Variants in MTDH observed in about 807,000 individuals in gnomAD.
MTDH encodes the protein protein LYRIC.
In MTDH, 34 loss-of-function variants were observed where a neutral mutation model predicts 72.7. The observed-to-expected ratio is 0.47, with a 90% CI of 0.36 to 0.62. The LOEUF is 0.62. Ranked by LOEUF, MTDH falls within the 20% of genes least tolerant of loss-of-function variation. The pLI is 0.00. For missense variants in MTDH, 677 were observed against 699.4 expected, an observed-to-expected ratio of 0.97 and a Z score of 0.36; for synonymous variants, 266 against 268.9, an observed-to-expected ratio of 0.99 and a Z score of 0.10.
intron 8 of MTDH, among the ~76,000 whole-genome samples, chr8:97,708,671 C>G (rs1157171107): frequency 7.8e-6 from 1 of 128,004 alleles, no homozygotes; most frequent in East Asian, 2.3e-4. Flanking sequence ...ATGATCTCGG[C>G]TCTCTGCAAC....
At chr8:97,669,182 T>C (rs1027244274) in intron 2 of MTDH, among the ~76,000 whole-genome samples, 2 of 152,180 alleles carry the variant, frequency 1.3e-5, no homozygotes, top group Non-Finnish European at 2.9e-5. Flanking sequence ...GGAGTCTCGC[T>C]CTGTTTCTCA....
At chr8:97,701,024 T>G (rs907892702) in intron 7 of MTDH, among the ~76,000 whole-genome samples, 13 of 152,316 alleles carry the variant, frequency 8.5e-5, no homozygotes, top group Non-Finnish European at 1.9e-4. Context: ...CAGTACTAGC[T>G]TAGACAGTAG....
intron 2 of MTDH, among the ~76,000 whole-genome samples, chr8:97,681,285 T>C (rs1813059534): frequency 6.6e-6 from 1 of 152,086 alleles, no homozygotes; most frequent in African/African-American, 2.4e-5. Flanking sequence ...GTACCAGTCT[T>C]GTAGGAATCA....
chr8:97,723,213 A>G (rs1346888234), intron 11 of MTDH, among the ~76,000 whole-genome samples, 178 bp downstream of exon 11: 1 of 151,696 alleles, frequency 6.6e-6, no homozygotes, highest in Non-Finnish European at 1.5e-5. Flanking sequence ...CCTGGCTAAC[A>G]TGGTGAAACC....
intron 1 of MTDH, among the ~76,000 whole-genome samples, chr8:97,653,861 T>A (rs1230155850): frequency 6.6e-6 from 1 of 152,250 alleles, no homozygotes; most frequent in Non-Finnish European, 1.5e-5. Flanking sequence ...TCCGTCAGAA[T>A]GTCTTAGACA....
chr8:97,726,555 T>G lies in MTDH; in HGVS notation c.*1885T>G, dbSNP rs1309914276. ...TCTCTCAACTCTACCTCACCATTTC[T>G]TTATCTCAAAATTCTGTTGGCTTTG... is the stretch of plus-strand genomic sequence containing the variant. On this transcript the variant is annotated 3_prime_UTR_variant, in exon 12 of 12. Coordinates refer to ENST00000336273, the MANE Select transcript of MTDH (RefSeq NM_178812.4). The G allele has an allele frequency of 6.6e-6, 1 of 152,236 alleles. No individual in the cohort carries two copies. The highest frequency in any genetic ancestry group is 1.9e-4 in the East Asian group (1 of 5,208). 9.4% of individuals were successfully genotyped at this position (152,236 alleles called of 1,614,324 possible).
At chr8:97,711,083 T>C (rs1029364580) in intron 8 of MTDH, among the ~76,000 whole-genome samples, 7 of 152,202 alleles carry the variant, frequency 4.6e-5, no homozygotes, top group African/African-American at 1.7e-4. Context: ...ATAACAGTGC[T>C]AACTTGATAG....
intron 9 of MTDH, among the ~76,000 whole-genome samples, chr8:97,714,686 GTTACA>G (rs1321596476): frequency 6.6e-6 from 1 of 151,650 alleles, no homozygotes; most frequent in African/African-American, 2.4e-5. Flanking sequence ...CACTAATACT[GTTACA>G]TTACAACTTC....
rs765221756 is a variant in MTDH at position 97,713,781 on chromosome 8, G to A, written c.1380+12G>A. Reference sequence around the variant, plus strand: ...ACTCTACTGCACAGGTAAAATGTCAGAACAACAAGCATTCATTAAGCGCCT... The same window carrying A: ...ACTCTACTGCACAGGTAAAATGTCAAAACAACAAGCATTCATTAAGCGCCT... On this transcript the variant is annotated intron_variant, in intron 9 of 11. Transcript: ENST00000336273. 7 of 1,495,310 alleles carry A rather than the reference G, an allele frequency of 4.7e-6. No individual in the cohort carries two copies. The African/African-American group carries it at 8.4e-5, about 18-fold the overall frequency. 92.6% of individuals were successfully genotyped at this position (1,495,310 alleles called of 1,614,324 possible).
chr8:97,678,353 T>C (rs537320921), intron 2 of MTDH, among the ~76,000 whole-genome samples: 1 of 152,336 alleles, frequency 6.6e-6, no homozygotes, highest in African/African-American at 2.4e-5. Flanking sequence ...CTACATTATT[T>C]CTAGAAAACT....
At chr8:97,708,566 G>A (rs1814471245) in intron 8 of MTDH, among the ~76,000 whole-genome samples, 1 of 101,722 alleles carries the variant, frequency 9.8e-6, no homozygotes, top group African/African-American at 4.6e-5. Context: ...ACAGGCATGA[G>A]CCACCATGCC....
intron 8 of MTDH, among the ~76,000 whole-genome samples, chr8:97,712,106 C>T (rs1170329383): frequency 1.3e-5 from 2 of 152,148 alleles, no homozygotes; most frequent in Non-Finnish European, 2.9e-5. Context: ...GGCATGATCT[C>T]GGCTCACTGC....
intron 3 of MTDH, among the ~76,000 whole-genome samples, chr8:97,686,993 T>G (rs887937653): frequency 1.3e-5 from 2 of 152,144 alleles, no homozygotes; most frequent in Admixed American, 1.3e-4. Flanking sequence ...TTTGAGCAAT[T>G]AAAAAGTCAT....
rs749441173 is a variant in MTDH, at chr8:97,724,582, C to T, written c.1679-18C>T. 2.7e-5 allele frequency: 43 copies of T among 1,564,578 alleles called. 1 individual carries two copies. Among genetic ancestry groups the T allele is most frequent in the Non-Finnish European group, 3.6e-5 (42 of 1,161,188 alleles). ...TCCTCCTAATTTTTTTCTTCGTTTT[C>T]CCCCTTTTCTTTTTTAGCCAAGTCT... On this transcript the variant is annotated intron_variant, in intron 11 of 11. Transcript: ENST00000336273.
At chr8:97,655,318 T>G (rs1811926130) in intron 1 of MTDH, among the ~76,000 whole-genome samples, 1 of 152,212 alleles carries the variant, frequency 6.6e-6, no homozygotes, top group Non-Finnish European at 1.5e-5. Flanking sequence ...TTATCTTTGT[T>G]TCAAGGTGTT....
intron 1 of MTDH, among the ~76,000 whole-genome samples, chr8:97,647,086 A>G (rs1811593492): frequency 6.6e-6 from 1 of 152,208 alleles, no homozygotes; most frequent in Non-Finnish European, 1.5e-5. Flanking sequence ...TTTGGTACTC[A>G]TTAGATACCT....
intron 2 of MTDH, among the ~76,000 whole-genome samples, chr8:97,684,867 A>G (rs919922433): frequency 6.6e-6 from 1 of 152,198 alleles, no homozygotes; most frequent in African/African-American, 2.4e-5. Flanking sequence ...GGAGTTCGAG[A>G]CCAGCCTGGC....
intron 1 of MTDH, among the ~76,000 whole-genome samples, chr8:97,646,765 A>G (rs534173903): frequency 6.6e-6 from 1 of 152,318 alleles, no homozygotes; most frequent in African/African-American, 2.4e-5. Flanking sequence ...AAGTAAACCT[A>G]GCGTTAGCTT....
At position 97,660,883 on chromosome 8, in the gene MTDH, T is replaced by A. The variant is rs201115389; in HGVS notation, c.382-189T>A. ...TGGTACAGAATTTTGCTTATGAATT[T>A]TATATATATATATATATAAACACTA... On this transcript the variant is annotated intron_variant, in intron 1 of 11. Transcript: ENST00000336273. 6.9e-4 allele frequency among the ~76,000 whole-genome samples: 89 copies of A among 128,300 alleles called. No homozygotes were observed. The East Asian group carries it at 0.014, about 20-fold the overall frequency. The allele number at this position is 128,300 out of a possible 152,430, so 84.2% of individuals were successfully genotyped here.
Sources: gnomAD v4.1 joint callset for allele counts (sites outside exome capture counted in the v4.1 genomes callset) on GRCh38, gnomAD v4.1.1 for gene constraint, MANE v1.5 for transcripts, NCBI Gene and HGNC (gene_info 2026-07-23, HGNC 2026-07-21) for gene names.